PTPRJ: variants seen among roughly 807,000 people sequenced by gnomAD.
PTPRJ encodes the protein protein tyrosine phosphatase receptor type J, also known as receptor-type tyrosine-protein phosphatase eta.
PTPRJ carries 129 observed loss-of-function variants against 141.3 expected under a neutral mutation model. The observed-to-expected ratio is 0.91, with a 90% CI of 0.79 to 1.06. The LOEUF (loss-of-function observed/expected upper bound fraction) is 1.06, where lower values mean the gene tolerates loss of function less well. Ranked by LOEUF, PTPRJ falls within the 50% of genes least tolerant of loss-of-function variation. The pLI is 0.00. For synonymous variants in PTPRJ, 610 were observed against 640.5 expected (o/e 0.95, Z 0.72); for missense variants, 1,601 against 1,679.7 (o/e 0.95, Z 0.82).
At chr11:48,008,852 A>G (rs1164159233) in intron 1 of PTPRJ, among the ~76,000 whole-genome samples, 2 of 152,226 alleles carry the variant, frequency 1.3e-5, no homozygotes, top group Non-Finnish European at 2.9e-5. Flanking sequence ...GTCGTGAGCC[A>G]CCATGCCTGG....
chr11:48,045,776 C>G (rs11039501), intron 1 of PTPRJ, among the ~76,000 whole-genome samples: 17,691 of 152,176 alleles, frequency 0.12, 3,408 homozygotes, highest in African/African-American at 0.4. Context: ...GCAGGCTGCA[C>G]CCCTGCCCTG....
intron 1 of PTPRJ, among the ~76,000 whole-genome samples, chr11:48,026,798 C>T (rs1264136732): frequency 6.6e-6 from 1 of 151,816 alleles, no homozygotes; most frequent in East Asian, 1.9e-4. Flanking sequence ...CACCCATCAC[C>T]TGAGCAGTAT....
intron 18 of PTPRJ, among the ~76,000 whole-genome samples, chr11:48,151,702 G>C (rs995747167): frequency 6.6e-6 from 1 of 150,808 alleles, no homozygotes; most frequent in African/African-American, 2.4e-5. Flanking sequence ...GCGGTGTTTG[G>C]TTTTCTGTCC....
chr11:48,072,656 T>C (rs1418338930), intron 1 of PTPRJ, among the ~76,000 whole-genome samples: 8 of 152,240 alleles, frequency 5.3e-5, no homozygotes, highest in Non-Finnish European at 1.0e-4. Flanking sequence ...AGTGTTCACA[T>C]AGAAACAGAA....
At position 48,153,886 on chromosome 11, in the gene PTPRJ, T is replaced by C. The variant is rs1857542831; in HGVS notation, c.3229T>C (p.Tyr1077His). The C allele has an allele frequency of 1.2e-6, 2 of 1,602,984 alleles. No individual in the cohort carries two copies. The highest frequency in any genetic ancestry group is 1.7e-6 in the Non-Finnish European group (2 of 1,169,984). ...GKNRYNNVLP[Y>H]DISRVKLSVQ... Reference sequence around the variant, plus strand: ...GAATCGCTATAATAATGTTCTGCCCTGTAAGTTATTTTATCTACAGCATCT... The same window carrying C: ...GAATCGCTATAATAATGTTCTGCCCCGTAAGTTATTTTATCTACAGCATCT... Residue 1077 changes from tyrosine to histidine, a missense_variant and splice_region_variant, in exon 19 of 25, where the codon TAT (tyrosine) becomes CAT (histidine). Physicochemically the swap from Tyr to His is moderately conservative, Grantham distance 83. Coordinates refer to ENST00000418331, the MANE Select transcript of PTPRJ (RefSeq NM_002843.4).
At chr11:48,134,971 A>G (rs1298667619) in intron 8 of PTPRJ, among the ~76,000 whole-genome samples, 1 of 152,188 alleles carries the variant, frequency 6.6e-6, no homozygotes, top group African/African-American at 2.4e-5. Context: ...TCACGGGAAG[A>G]TGTTTCCTTC....
chr11:48,165,992 C>G (rs1014002857), intron 24 of PTPRJ, among the ~76,000 whole-genome samples: 21 of 151,794 alleles, frequency 1.4e-4, no homozygotes, highest in African/African-American at 5.1e-4. Context: ...TCCCAAGTAG[C>G]TGGGACTACA....
rs1857101718 is a variant in PTPRJ, at chr11:48,136,297, G to A, written c.1873+1G>A. 3 of 1,613,206 alleles carry A rather than the reference G, an allele frequency of 1.9e-6. No homozygotes were observed. Among genetic ancestry groups the A allele is most frequent in the Non-Finnish European group, 1.7e-6 (2 of 1,179,410 alleles). On this transcript the variant is annotated splice_donor_variant, in intron 9 of 24. Transcript: ENST00000418331. LOFTEE classifies it high-confidence loss of function. Reference sequence around the variant, plus strand: ...CCCAACTCCACTGCACAGTACACACGTAAGTCTCTTAGGATGCCCTTCTAA... The same window carrying A: ...CCCAACTCCACTGCACAGTACACACATAAGTCTCTTAGGATGCCCTTCTAA...
chr11:48,132,470 T>A (rs954787038), intron 8 of PTPRJ: 2 of 983,324 alleles, frequency 2.0e-6, no homozygotes, highest in African/African-American at 3.5e-5. Context: ...ATTATTGTTG[T>A]TTTAAAATTT....
intron 1 of PTPRJ, among the ~76,000 whole-genome samples, chr11:48,017,139 A>G (rs959626374): frequency 6.6e-6 from 1 of 152,210 alleles, no homozygotes; most frequent in Non-Finnish European, 1.5e-5. Flanking sequence ...GAGATGTTAC[A>G]TAGTGGAGTC....
Position 48,137,038 on chromosome 11 carries a change from A to G in PTPRJ, c.1909A>G (p.Asn637Asp). Residue 637 changes from asparagine (N) to aspartate (D), a missense_variant, in exon 10 of 25, where the codon AAC becomes GAC. Physicochemically the swap from Asn to Asp is conservative, Grantham distance 23. Coordinates refer to ENST00000418331, the MANE Select transcript of PTPRJ (RefSeq NM_002843.4). ...TGTGTCCAACATTGATGTAAGTACC[A>G]ACACCACAGCAGCAACTTTAAGTTG... is the stretch of plus-strand genomic sequence containing the variant. Reference protein sequence around the residue: ...SNVSNIDVSTNTTAATLSWQN... With the variant: ...SNVSNIDVSTDTTAATLSWQN... The G allele has an allele frequency of 6.2e-7, 1 of 1,606,488 alleles. No individual in the cohort carries two copies. Among genetic ancestry groups the G allele is most frequent in the Non-Finnish European group, 8.5e-7 (1 of 1,173,054 alleles).
intron 2 of PTPRJ, among the ~76,000 whole-genome samples, chr11:48,111,717 AG>A (rs1856446594): frequency 6.6e-6 from 1 of 152,134 alleles, no homozygotes; most frequent in Non-Finnish European, 1.5e-5. Context: ...TTTAACTGAA[AG>A]GATTTACCCT....
At position 47,980,713 on chromosome 11, in the gene PTPRJ, T is replaced by A; in HGVS notation, c.-200T>A. ...CCCCCCCGCGGCAGCCGCGCTAGGCTCCGGCGTGTGGCCGCGGCCGCCGCC... is the reference window on the plus strand; with the variant it reads ...CCCCCCCGCGGCAGCCGCGCTAGGCACCGGCGTGTGGCCGCGGCCGCCGCC... On this transcript the variant is annotated 5_prime_UTR_variant, in exon 1 of 25. Coordinates refer to ENST00000418331, the MANE Select transcript of PTPRJ (RefSeq NM_002843.4). The A allele has an allele frequency of 1.0e-6, 1 of 997,466 alleles. No homozygotes were observed. Among genetic ancestry groups the A allele is most frequent in the Non-Finnish European group, 1.2e-6 (1 of 839,928 alleles). 61.8% of individuals were successfully genotyped at this position (997,466 alleles called of 1,614,324 possible).
At chr11:48,053,089 TA>T (rs1049687687) in intron 1 of PTPRJ, among the ~76,000 whole-genome samples, 1 of 129,242 alleles carries the variant, frequency 7.7e-6, no homozygotes, top group Admixed American at 9.7e-5. Flanking sequence ...GCAGGAAATA[TA>T]AAAAATTTAT....
intron 1 of PTPRJ, among the ~76,000 whole-genome samples, chr11:48,049,767 C>T (rs1854512772): frequency 6.6e-6 from 1 of 151,814 alleles, no homozygotes; most frequent in Admixed American, 6.6e-5. Flanking sequence ...CCTGGAGCAC[C>T]CTGCTGCTTT....
At chr11:48,075,906 C>T (rs1377617952) in intron 1 of PTPRJ, among the ~76,000 whole-genome samples, 1 of 152,186 alleles carries the variant, frequency 6.6e-6, no homozygotes, top group Non-Finnish European at 1.5e-5. Flanking sequence ...GTTGTTTTCT[C>T]TCCTGGAACT....
chr11:48,109,051 C>T (rs1362624727), intron 1 of PTPRJ, among the ~76,000 whole-genome samples: 2 of 151,774 alleles, frequency 1.3e-5, no homozygotes, highest in Non-Finnish European at 2.9e-5. Flanking sequence ...GAGGAGGTGG[C>T]GTTTTGGGCA....
At chr11:48,063,630 A>G (rs1038786366) in intron 1 of PTPRJ, among the ~76,000 whole-genome samples, 1 of 152,188 alleles carries the variant, frequency 6.6e-6, no homozygotes, top group Admixed American at 6.5e-5. Flanking sequence ...GGAAGTGCAC[A>G]TTTTTAGGCT....
Position 48,123,617 on chromosome 11 carries a change from G to A in PTPRJ, c.621G>A (p.Pro207=), listed in dbSNP as rs137863628. Residue 207 remains proline, a synonymous_variant, in exon 5 of 25, where the codon CCG becomes CCA. Coordinates refer to ENST00000418331, the MANE Select transcript of PTPRJ (RefSeq NM_002843.4). ...CATGTTGTATTTTTAAAATAGAGCC[G>A]ATCCCAGTTTCTGATCTCCGTGTTG... The part of the protein sequence containing the change: ...DPRVIKVITE[P]IPVSDLRVAL... The A allele has an allele frequency of 1.1e-5, 18 of 1,611,984 alleles. No homozygotes were observed. The highest frequency in any genetic ancestry group is 1.4e-5 in the Non-Finnish European group (17 of 1,179,174).
Sources: gnomAD v4.1 joint callset for allele counts (sites outside exome capture counted in the v4.1 genomes callset) on GRCh38, gnomAD v4.1.1 for gene constraint, MANE v1.5 for transcripts, NCBI Gene and HGNC (gene_info 2026-07-23, HGNC 2026-07-21) for gene names.